Variants in RGS5 observed in about 807,000 individuals in gnomAD.
RGS5 encodes the protein regulator of G protein signaling 5.
Under a neutral mutation model 18.9 loss-of-function variants are expected in RGS5, and 20 were observed. The ratio of observed to expected loss-of-function variants is 1.06; its 90% CI spans 0.74 to 1.54. The LOEUF (loss-of-function observed/expected upper bound fraction) is 1.54, where lower values mean the gene tolerates loss of function less well. RGS5 is among the 40% of genes most tolerant of loss of function. The pLI is 0.00. For missense variants in RGS5, 201 were observed against 211.8 expected, an observed-to-expected ratio of 0.95 and a Z score of 0.32; for synonymous variants, 57 against 76.2, an observed-to-expected ratio of 0.75 and a Z score of 1.31.
chr1:163,152,657 A>T lies in RGS5; in HGVS notation c.277T>A (p.Phe93Ile). 1 of 1,612,302 alleles carries T rather than the reference A, an allele frequency of 6.2e-7. No individual in the cohort carries two copies. The highest frequency in any genetic ancestry group is 8.5e-7 in the Non-Finnish European group (1 of 1,179,122). Residue 93 changes from phenylalanine (F) to isoleucine (I), a missense_variant, in exon 4 of 5, where the codon TTC (phenylalanine) becomes ATC (isoleucine). Coordinates refer to ENST00000313961, the MANE Select transcript of RGS5 (RefSeq NM_003617.4). Reference sequence around the variant, plus strand: ...TTGTAATCCTCACAGGCAATCCAGAACTCAAGGTTTTCCTCACTGAATTCA... The same window carrying T: ...TTGTAATCCTCACAGGCAATCCAGATCTCAAGGTTTTCCTCACTGAATTCA... ...KSEFSEENLE[F>I]WIACEDYKKI... is the part of the protein sequence containing the mutation.
intron 1 of RGS5, among the ~76,000 whole-genome samples, chr1:163,213,226 C>G (rs1214607679): frequency 6.6e-6 from 1 of 151,896 alleles, no homozygotes; most frequent in East Asian, 1.9e-4. Flanking sequence ...GCATTACTTG[C>G]TTTTTTCCAA....
chr1:163,187,304 C>A (rs1305727097), intron 1 of RGS5, among the ~76,000 whole-genome samples: 4 of 152,194 alleles, frequency 2.6e-5, no homozygotes, highest in Non-Finnish European at 5.9e-5. Context: ...ATCTTGCCAG[C>A]TAAATGAGAA....
intron 1 of RGS5, among the ~76,000 whole-genome samples, chr1:163,171,392 C>T (rs1658289865): frequency 6.6e-6 from 1 of 152,118 alleles, no homozygotes; most frequent in Non-Finnish European, 1.5e-5. Context: ...TCCATAGGTC[C>T]CTCCCTTCCT....
intron 1 of RGS5, among the ~76,000 whole-genome samples, chr1:163,198,578 T>C (rs1659659390): frequency 6.6e-6 from 1 of 152,096 alleles, no homozygotes; most frequent in South Asian, 2.1e-4. Flanking sequence ...AAATCAAAGT[T>C]GTCATCATAA....
rs372317257 is a variant in RGS5, at chr1:163,179,724, T to C, written c.45-11356A>G. ...AAAGGGAGAAAGGAAATAAGTTTAG[T>C]GAGAAAACCTCTAATAGCTCCTCCA... On this transcript the variant is annotated intron_variant, in intron 1 of 4. Transcript: ENST00000313961. 3.9e-5 allele frequency among the ~76,000 whole-genome samples: 6 copies of C among 152,280 alleles called. No homozygotes were observed. The East Asian group carries it at 9.6e-4, about 24-fold the overall frequency.
At chr1:163,256,034 C>T (rs1383385173) in intron 2 of RGS5, among the ~76,000 whole-genome samples, 1 of 152,028 alleles carries the variant, frequency 6.6e-6, no homozygotes, top group African/African-American at 2.4e-5. Flanking sequence ...GGAAGCATTC[C>T]CTTTGAAAAC....
chr1:163,213,604 C>T (rs1660153470), intron 1 of RGS5, among the ~76,000 whole-genome samples: 1 of 152,232 alleles, frequency 6.6e-6, no homozygotes, highest in African/African-American at 2.4e-5. Flanking sequence ...GGAGAGCCTA[C>T]ATCCAGGCTT....
chr1:163,226,794 G>A (rs193281716), intron 2 of RGS5, among the ~76,000 whole-genome samples: 79 of 150,380 alleles, frequency 5.3e-4, no homozygotes, highest in African/African-American at 1.8e-3. Context: ...GGGAAAAAAG[G>A]GTTTCAAGTA....
At chr1:163,212,515 A>G (rs1054054050) in intron 1 of RGS5, 1 of 152,272 alleles carries the variant, frequency 6.6e-6, no homozygotes, top group African/African-American at 2.4e-5. Context: ...AGGCACAGGC[A>G]CTGGCTCATC....
chr1:163,273,589 T>A (rs1648776951), intron 2 of RGS5, among the ~76,000 whole-genome samples: 1 of 152,160 alleles, frequency 6.6e-6, no homozygotes, highest in East Asian at 1.9e-4. Context: ...ATACTTTCCT[T>A]TAATTATTTA....
rs549255661 is a variant in RGS5 at position 163,183,964 on chromosome 1, A to C, written c.45-15596T>G. 1.9e-4 allele frequency among the ~76,000 whole-genome samples: 29 copies of C among 152,326 alleles called. No homozygotes were observed. In the South Asian group the frequency reaches 5.8e-3, roughly 30 times the overall value. The stretch of plus-strand genomic sequence containing the variant: ...AGTTTTCGAGGTACATGCAAATCAC[A>C]TTCCTGAAAACTTCTCCTCAGCATT... On this transcript the variant is annotated intron_variant, in intron 1 of 4. Coordinates refer to ENST00000313961, the MANE Select transcript of RGS5 (RefSeq NM_003617.4).
intron 2 of RGS5, among the ~76,000 whole-genome samples, chr1:163,262,836 T>G (rs753068154): frequency 2.6e-5 from 4 of 152,164 alleles, no homozygotes; most frequent in Non-Finnish European, 5.9e-5. Context: ...CCTGACTTTT[T>G]AATGAAACTT....
At chr1:163,208,117 A>AC (rs1355167160) in intron 1 of RGS5, among the ~76,000 whole-genome samples, 1 of 151,944 alleles carries the variant, frequency 6.6e-6, no homozygotes, top group Non-Finnish European at 1.5e-5. Context: ...ACAAAGTGAG[A>AC]CCCCATCTCT....
intron 1 of RGS5, among the ~76,000 whole-genome samples, chr1:163,213,794 C>T (rs1553220306): frequency 2.0e-5 from 3 of 152,120 alleles, no homozygotes. Context: ...CCTGAATCTC[C>T]CTTCAGTTGA....
chr1:163,252,028 T>C (rs1020097110), intron 2 of RGS5, among the ~76,000 whole-genome samples: 1 of 152,172 alleles, frequency 6.6e-6, no homozygotes, highest in Non-Finnish European at 1.5e-5. Flanking sequence ...CCCAGGAACA[T>C]GATTGCTGGG....
At chr1:163,296,642 T>A (rs1426804477) in intron 2 of RGS5, among the ~76,000 whole-genome samples, 1 of 152,180 alleles carries the variant, frequency 6.6e-6, no homozygotes, top group Non-Finnish European at 1.5e-5. Flanking sequence ...AAAAACTAGG[T>A]TATAGTTTAT....
intron 2 of RGS5, among the ~76,000 whole-genome samples, chr1:163,252,115 C>T (rs1398145938): frequency 1.3e-5 from 2 of 152,126 alleles, no homozygotes; most frequent in African/African-American, 4.8e-5. Context: ...ATTTTGCAGT[C>T]CCATGAGCAA....
upstream of RGS5, among the ~76,000 whole-genome samples, chr1:163,219,113 T>C (rs1156883985): frequency 8.5e-6 from 1 of 117,624 alleles, no homozygotes; most frequent in Non-Finnish European, 1.9e-5. Flanking sequence ...TTTGTCTTAC[T>C]CTTTATCGAG....
chr1:163,194,545 C>T (rs1458011083), intron 1 of RGS5, among the ~76,000 whole-genome samples: 2 of 152,078 alleles, frequency 1.3e-5, no homozygotes. Context: ...TTATCCTCCA[C>T]TAGGTAGTAG....
Sources: gnomAD v4.1 joint callset for allele counts (sites outside exome capture counted in the v4.1 genomes callset) on GRCh38, gnomAD v4.1.1 for gene constraint, MANE v1.5 for transcripts, NCBI Gene and HGNC (gene_info 2026-07-23, HGNC 2026-07-21) for gene names.